Variants in KLHL1 observed in about 807,000 individuals in gnomAD.
The protein encoded by KLHL1 is kelch-like protein 1.
Under a neutral mutation model 77.7 loss-of-function variants are expected in KLHL1, and 47 were observed. The ratio of observed to expected loss-of-function variants is 0.60; its 90% CI spans 0.48 to 0.77. The LOEUF is 0.77. Among genes scored for constraint, KLHL1 ranks in the 30% least tolerant of loss-of-function variants. The probability of loss-of-function intolerance (pLI) is 0.00; values close to 1 mark genes in which losing one functional copy is unlikely to be tolerated. For missense variants in KLHL1, 925 were observed against 910.8 expected, an observed-to-expected ratio of 1.02 and a Z score of -0.20; for synonymous variants, 360 against 325.2, an observed-to-expected ratio of 1.11 and a Z score of -1.15.
chr13:70,016,189 T>C (rs1885652701), intron 1 of KLHL1, among the ~76,000 whole-genome samples: 1 of 152,254 alleles, frequency 6.6e-6, no homozygotes, highest in Non-Finnish European at 1.5e-5. Flanking sequence ...GAATCTCCAA[T>C]AGTTCTCCAA....
intron 4 of KLHL1, among the ~76,000 whole-genome samples, chr13:69,936,611 A>G (rs527511057): frequency 1.3e-5 from 2 of 150,990 alleles, no homozygotes; most frequent in Admixed American, 1.3e-4. Flanking sequence ...AAAAAAAAAA[A>G]TGAAGATTGA....
chr13:69,838,939 A>G, intron 6 of KLHL1, 37 bp downstream of exon 6: 1 of 1,431,490 alleles, frequency 7.0e-7, no homozygotes, highest in Non-Finnish European at 9.5e-7. Flanking sequence ...ACGGTATAAC[A>G]CAGGATGTAT....
At chr13:69,812,100 G>T (rs1877907239) in intron 6 of KLHL1, among the ~76,000 whole-genome samples, 5 of 151,832 alleles carry the variant, frequency 3.3e-5, no homozygotes, top group Admixed American at 3.3e-4. Flanking sequence ...CTGGTATGTT[G>T]TGTCTTTGTT....
intron 1 of KLHL1, among the ~76,000 whole-genome samples, chr13:70,090,425 A>G (rs1887644792): frequency 6.6e-6 from 1 of 151,972 alleles, no homozygotes; most frequent in South Asian, 2.1e-4. Context: ...ATCCAAATCT[A>G]TAAGCCTCTC....
intron 5 of KLHL1, among the ~76,000 whole-genome samples, chr13:69,839,659 A>G (rs1423101470): frequency 6.6e-6 from 1 of 151,974 alleles, no homozygotes; most frequent in African/African-American, 2.4e-5. Flanking sequence ...TTTCTTCATA[A>G]CATCTCTTTA....
At chr13:69,960,892 C>G (rs1884041860) in intron 3 of KLHL1, among the ~76,000 whole-genome samples, 1 of 151,972 alleles carries the variant, frequency 6.6e-6, no homozygotes, top group Non-Finnish European at 1.5e-5. Flanking sequence ...TCCACATTAA[C>G]TATTCCGTGA....
At chr13:69,795,374 A>G (rs1877058148) in intron 7 of KLHL1, among the ~76,000 whole-genome samples, 1 of 152,214 alleles carries the variant, frequency 6.6e-6, no homozygotes, top group Admixed American at 6.5e-5. Context: ...AATTTTGCTT[A>G]CCTGTGAATG....
At position 69,759,878 on chromosome 13, in the gene KLHL1, A is replaced by G. The variant is rs1874939276; in HGVS notation, c.1640-19322T>C. Among the ~76,000 whole-genome samples the G allele has an allele frequency of 2.0e-5, 3 of 152,312 alleles. No homozygotes were observed. The South Asian group carries it at 6.2e-4, about 32-fold the overall frequency. On this transcript the variant is annotated intron_variant, in intron 7 of 10. Transcript: ENST00000377844. ...ACAAGATTGCCAGGCAAAGCACCTG[A>G]AACAAAGGTAAGACTGGTTAGGCAA...
intron 4 of KLHL1, among the ~76,000 whole-genome samples, chr13:69,913,361 T>C (rs1882306770): frequency 1.3e-5 from 2 of 152,164 alleles, no homozygotes; most frequent in African/African-American, 4.8e-5. Context: ...CCCAGATCAC[T>C]AGCACCTGCA....
rs1407564013 is a variant in KLHL1 at position 69,701,777 on chromosome 13, A to G, written c.2188-16T>C. ...AGGAAGCCATCTGTTAAAAAAGATGAAACACAACTTAAGACAAGTTTTCAT... is the reference window on the plus strand; with the variant it reads ...AGGAAGCCATCTGTTAAAAAAGATGGAACACAACTTAAGACAAGTTTTCAT... On this transcript the variant is annotated splice_polypyrimidine_tract_variant and intron_variant, in intron 10 of 10. Transcript: ENST00000377844. 2 of 1,583,378 alleles carry G rather than the reference A, an allele frequency of 1.3e-6. No individual in the cohort carries two copies. The highest frequency in any genetic ancestry group is 1.7e-6 in the Non-Finnish European group (2 of 1,158,512).
At chr13:69,800,430 C>T (rs1279448949) in intron 6 of KLHL1, among the ~76,000 whole-genome samples, 2 of 152,124 alleles carry the variant, frequency 1.3e-5, no homozygotes, top group East Asian at 3.9e-4. Context: ...CTCCAGTCTT[C>T]AATCTTGCTC....
intron 4 of KLHL1, among the ~76,000 whole-genome samples, chr13:69,930,176 A>G (rs1312643146): frequency 6.6e-6 from 1 of 151,878 alleles, no homozygotes; most frequent in South Asian, 2.1e-4. Flanking sequence ...TAAATCACTC[A>G]TATTTCTGCC....
rs1455865800 is a variant in KLHL1 at position 69,961,583 on chromosome 13, T to C, written c.681-139A>G. On this transcript the variant is annotated intron_variant, in intron 2 of 10. Transcript: ENST00000377844. ...ATTTTATTTATTGCCTCATGAGTTG[T>C]ACTTTACAAAACTGATTCAAAAACT... 5 of 882,358 alleles carry C rather than the reference T, an allele frequency of 5.7e-6. No individual in the cohort carries two copies. In the African/African-American group the frequency reaches 8.5e-5, roughly 15 times the overall value. 54.7% of individuals were successfully genotyped at this position (882,358 alleles called of 1,614,324 possible).
At chr13:70,033,176 G>A (rs1648680292) in intron 1 of KLHL1, among the ~76,000 whole-genome samples, 1 of 152,132 alleles carries the variant, frequency 6.6e-6, no homozygotes, top group Non-Finnish European at 1.5e-5. Context: ...TATGTTGAAA[G>A]AAAAGGTATT....
intron 6 of KLHL1, among the ~76,000 whole-genome samples, chr13:69,804,336 T>C (rs1877521956): frequency 6.6e-6 from 1 of 152,134 alleles, no homozygotes. Context: ...TTAATGTTTG[T>C]ACACTCTAGT....
At chr13:69,995,042 C>A (rs2137318011) in intron 1 of KLHL1, among the ~76,000 whole-genome samples, 1 of 152,142 alleles carries the variant, frequency 6.6e-6, no homozygotes, top group African/African-American at 2.4e-5. Context: ...TAGATCCCTG[C>A]CAGTAGCCCA....
At chr13:69,712,759 T>TA (rs1875934601) in intron 9 of KLHL1, among the ~76,000 whole-genome samples, 1 of 70,256 alleles carries the variant, frequency 1.4e-5, no homozygotes, top group African/African-American at 5.5e-5. Flanking sequence ...GTTTGTTTTT[T>TA]GTTTTTTTTT....
chr13:70,046,147 G>A (rs1464619179), intron 1 of KLHL1, among the ~76,000 whole-genome samples: 1 of 152,004 alleles, frequency 6.6e-6, no homozygotes, highest in Non-Finnish European at 1.5e-5. Flanking sequence ...GTAGGCAGAG[G>A]ATACAACCAG....
At chr13:69,969,104 T>A (rs2137281898) in intron 2 of KLHL1, among the ~76,000 whole-genome samples, 1 of 152,242 alleles carries the variant, frequency 6.6e-6, no homozygotes, top group Non-Finnish European at 1.5e-5. Flanking sequence ...ATGTATTTTA[T>A]CTTACATATA....
Sources: gnomAD v4.1 joint callset for allele counts (sites outside exome capture counted in the v4.1 genomes callset) on GRCh38, gnomAD v4.1.1 for gene constraint, MANE v1.5 for transcripts, NCBI Gene and HGNC (gene_info 2026-07-23, HGNC 2026-07-21) for gene names.